Variants in SLC15A2 observed in about 807,000 individuals in gnomAD.
The protein encoded by SLC15A2 is kidney H(+)/peptide cotransporter.
SLC15A2 carries 77 observed loss-of-function variants against 95.5 expected under a neutral mutation model. The observed-to-expected ratio is 0.81, with a 90% CI of 0.67 to 0.97. The LOEUF is 0.97. Among genes scored for constraint, SLC15A2 ranks in the 50% least tolerant of loss-of-function variants. SLC15A2 has a pLI of 0.00. For synonymous variants in SLC15A2, 306 were observed against 306.9 expected (o/e 1.00, Z 0.03); for missense variants, 893 against 874.4 (o/e 1.02, Z -0.27).
rs1710069990 is a variant in SLC15A2 at position 121,924,385 on chromosome 3, T to C, written c.1035+2T>C. The C allele has an allele frequency of 6.2e-7, 1 of 1,613,210 alleles. No homozygotes were observed. Among genetic ancestry groups the C allele is most frequent in the Non-Finnish European group, 8.5e-7 (1 of 1,179,210 alleles). ...GTGCTTCAGCCGGACCAGATGCAGGTATGTGACTCTTCTATAGCCATGGGG... is the reference window on the plus strand; with the variant it reads ...GTGCTTCAGCCGGACCAGATGCAGGCATGTGACTCTTCTATAGCCATGGGG... On this transcript the variant is annotated splice_donor_variant, in intron 12 of 21. Coordinates refer to ENST00000489711, the MANE Select transcript of SLC15A2 (RefSeq NM_021082.4). LOFTEE classifies it high-confidence loss of function.
At chr3:121,910,251 G>A (rs1709737428) in intron 3 of SLC15A2, among the ~76,000 whole-genome samples, 1 of 143,602 alleles carries the variant, frequency 7.0e-6, no homozygotes, top group Non-Finnish European at 1.5e-5. Flanking sequence ...ATGGAGTGCA[G>A]TGGCACCATC....
intron 19 of SLC15A2, among the ~76,000 whole-genome samples, chr3:121,934,158 T>G (rs1422683199): frequency 1.3e-5 from 2 of 152,258 alleles, no homozygotes; most frequent in East Asian, 3.8e-4. Flanking sequence ...CTGTTTTGAT[T>G]ACTGTAGCCT....
chr3:121,903,464 T>C (rs1306027843), intron 3 of SLC15A2, among the ~76,000 whole-genome samples: 1 of 152,204 alleles, frequency 6.6e-6, no homozygotes, highest in African/African-American at 2.4e-5. Context: ...GGTTTTCTTC[T>C]AGGGTTTTTA....
rs1318326191 is a variant in SLC15A2 at position 121,939,361 on chromosome 3, G to A, written c.1774G>A (p.Gly592Ser). Residue 592 changes from glycine to serine, a missense_variant, in exon 20 of 22, where the codon GGT (glycine) becomes AGT (serine). Coordinates refer to ENST00000489711, the MANE Select transcript of SLC15A2 (RefSeq NM_021082.4). ...CTCTTTCCCTAAGAACACCAATCAG[G>A]GTCTTCAGGCCTGGAAGATTGAAGA... is the stretch of plus-strand genomic sequence containing the variant. The part of the protein sequence containing the change: ...LFVITNNTNQ[G>S]LQAWKIEDIP... 1 of 1,532,812 alleles carries A rather than the reference G, an allele frequency of 6.5e-7. No individual in the cohort carries two copies. Among genetic ancestry groups the A allele is most frequent in the East Asian group, 2.5e-5 (1 of 40,486 alleles). 95.0% of individuals were successfully genotyped at this position (1,532,812 alleles called of 1,614,324 possible).
chr3:121,938,114 C>G, intron 19 of SLC15A2, among the ~76,000 whole-genome samples: 1 of 151,782 alleles, frequency 6.6e-6, no homozygotes, highest in Admixed American at 6.6e-5. Context: ...AGGAGGCAGT[C>G]TGCCCGTTCT....
intron 9 of SLC15A2, 27 bp downstream of exon 9, chr3:121,922,888 A>G (rs1343779885): frequency 6.3e-7 from 1 of 1,589,656 alleles, no homozygotes; most frequent in Admixed American, 1.7e-5. Flanking sequence ...GAAACATCTT[A>G]TGGCTTGATA....
At chr3:121,907,398 C>G (rs1461052389) in intron 3 of SLC15A2, among the ~76,000 whole-genome samples, 2 of 152,214 alleles carry the variant, frequency 1.3e-5, no homozygotes, top group Non-Finnish European at 2.9e-5. Context: ...CCATTGCTGG[C>G]AAGGAGCTGC....
intron 3 of SLC15A2, among the ~76,000 whole-genome samples, chr3:121,907,583 T>A (rs1709677883): frequency 6.6e-6 from 1 of 152,234 alleles, no homozygotes; most frequent in African/African-American, 2.4e-5. Flanking sequence ...TCTTCCTTTT[T>A]ATTAGTTTTC....
chr3:121,932,910 C>G (rs148834912), intron 19 of SLC15A2, among the ~76,000 whole-genome samples: 3,906 of 152,192 alleles, frequency 0.026, 152 homozygotes, highest in African/African-American at 0.089. Context: ...ATCCCTCCCC[C>G]CTCCGCGCAC....
chr3:121,939,119 T>G, intron 19 of SLC15A2: 1 of 361,684 alleles, frequency 2.8e-6, no homozygotes, highest in Admixed American at 4.6e-5. Context: ...AAATATTCTC[T>G]TATTTAAAGT....
rs1317681913 is a variant in SLC15A2, at chr3:121,894,491, G to T, written c.15G>T (p.Gln5His). 1 of 1,612,944 alleles carries T rather than the reference G, an allele frequency of 6.2e-7. No individual in the cohort carries two copies. The highest frequency in any genetic ancestry group is 1.7e-5 in the Admixed American group (1 of 59,896). Residue 5 changes from glutamine (Q) to histidine (H), a missense_variant, in exon 1 of 22, where the codon CAG (glutamine) becomes CAT (histidine). Physicochemically the swap from Gln to His is conservative, Grantham distance 24. Coordinates refer to ENST00000489711, the MANE Select transcript of SLC15A2 (RefSeq NM_021082.4). ...AGGAGCCAGCCATGAATCCTTTCCA[G>T]AAAAATGAGTCCAAGGAAACTCTTT... MNPFQKNESKETLFS... is the reference protein window; with the variant it reads MNPFHKNESKETLFS...
At chr3:121,901,518 T>A (rs1032285507) in intron 3 of SLC15A2, among the ~76,000 whole-genome samples, 1 of 152,128 alleles carries the variant, frequency 6.6e-6, no homozygotes, top group Non-Finnish European at 1.5e-5. Flanking sequence ...AACTTGGGGG[T>A]GATTTGTATC....
At chr3:121,922,543 CAG>C (rs2107595947) in intron 8 of SLC15A2, among the ~76,000 whole-genome samples, 1 of 152,242 alleles carries the variant, frequency 6.6e-6, no homozygotes, top group Non-Finnish European at 1.5e-5. Flanking sequence ...TATATATAGA[CAG>C]ATAACATTTT....
At chr3:121,914,872 AAAAC>A in intron 5 of SLC15A2, 5 of 442,822 alleles carry the variant, frequency 1.1e-5, no homozygotes, top group Non-Finnish European at 1.5e-5. Flanking sequence ...AAAAAAAAAA[AAAAC>A]CACAAACACA....
chr3:121,908,904 G>A (rs1030959427), intron 3 of SLC15A2, among the ~76,000 whole-genome samples: 17 of 152,084 alleles, frequency 1.1e-4, no homozygotes, highest in Admixed American at 4.6e-4. Context: ...CAGATGTAGC[G>A]GCTCATGCCT....
chr3:121,927,907 G>A, intron 14 of SLC15A2, 68 bp downstream of exon 14: 1 of 1,193,240 alleles, frequency 8.4e-7, no homozygotes, highest in Non-Finnish European at 1.2e-6. Context: ...CTTTTGACTT[G>A]TTCAGTCATG....
chr3:121,941,084 AAG>A lies in SLC15A2; in HGVS notation c.*83_*84del. On this transcript the variant is annotated 3_prime_UTR_variant, in exon 22 of 22. Coordinates refer to ENST00000489711, the MANE Select transcript of SLC15A2 (RefSeq NM_021082.4). ...TTTTTTTTCTTCTACTGGATTAGAC[AAG>A]AGAGATAGCAGCATATCAGAGCTGA... The A allele has an allele frequency of 7.5e-7, 1 of 1,331,244 alleles. No individual in the cohort carries two copies. Among genetic ancestry groups the A allele is most frequent in the Non-Finnish European group, 1.0e-6 (1 of 962,686 alleles). 82.5% of individuals were successfully genotyped at this position (1,331,244 alleles called of 1,614,324 possible). A position where few individuals can be genotyped will look rare whatever the true frequency, so the allele number is the denominator to read the frequency against.
chr3:121,939,544 C>A (rs758129473), intron 20 of SLC15A2, 49 bp downstream of exon 20: 1 of 1,435,748 alleles, frequency 7.0e-7, no homozygotes, highest in Admixed American at 2.7e-5. Flanking sequence ...GCTTGAAGGA[C>A]AATGAATTTT....
chr3:121,935,194 A>C (rs575030226), intron 19 of SLC15A2, among the ~76,000 whole-genome samples: 2 of 152,194 alleles, frequency 1.3e-5, no homozygotes, highest in East Asian at 3.8e-4. Context: ...TTTTGCATCC[A>C]TGTTCATCGA....
Sources: gnomAD v4.1 joint callset for allele counts (sites outside exome capture counted in the v4.1 genomes callset) on GRCh38, gnomAD v4.1.1 for gene constraint, MANE v1.5 for transcripts, NCBI Gene and HGNC (gene_info 2026-07-23, HGNC 2026-07-21) for gene names.